CASD1: variants seen among roughly 807,000 people sequenced by gnomAD.
CASD1 encodes the protein CAS1 domain sialic acid O acetyltransferase 1, also known as N-acetylneuraminate (7)9-O-acetyltransferase.
Under a neutral mutation model 100.0 loss-of-function variants are expected in CASD1, and 41 were observed. The ratio of observed to expected loss-of-function variants is 0.41; its 90% CI spans 0.32 to 0.53. CASD1 has a LOEUF of 0.53. CASD1 is among the 20% of genes least tolerant of loss of function. The pLI is 0.25. For synonymous variants in CASD1, 321 were observed against 315.6 expected, an observed-to-expected ratio of 1.02 and a Z score of -0.18; for missense variants, 774 against 948.7, an observed-to-expected ratio of 0.82 and a Z score of 2.42.
intron 13 of CASD1, among the ~76,000 whole-genome samples, chr7:94,547,423 G>C (rs1019557178): frequency 6.6e-6 from 1 of 151,786 alleles, no homozygotes; most frequent in Non-Finnish European, 1.5e-5. Flanking sequence ...CGTTTTACTT[G>C]ACTTTGATCA....
chr7:94,565,924 G>A, the CASD1 span, among the ~76,000 whole-genome samples: 1 of 152,276 alleles, frequency 6.6e-6, no homozygotes, highest in Admixed American at 6.5e-5. Context: ...GCTTCAGAAT[G>A]CAATGTAGTT....
chr7:94,633,332 TAA>T, the CASD1 span, among the ~76,000 whole-genome samples: 3 of 152,116 alleles, frequency 2.0e-5, no homozygotes, highest in Non-Finnish European at 4.4e-5. Context: ...TTACAAAGAT[TAA>T]AAACTTCTGA....
At chr7:94,628,109 G>C in the CASD1 span, 1 of 993,886 alleles carries the variant, frequency 1.0e-6, no homozygotes, top group Non-Finnish European at 1.5e-6. Context: ...GGTAACTTTA[G>C]TTTCAACACT....
In CASD1 at chr7:94,544,410, G is replaced by C; in HGVS notation, c.1357-1G>C. ...TTTTACCTGTTTATCTTTGTCAACAGTTTTTGCCTGTATACATGCACATTC... is the reference window on the plus strand; with the variant it reads ...TTTTACCTGTTTATCTTTGTCAACACTTTTTGCCTGTATACATGCACATTC... On this transcript the variant is annotated splice_acceptor_variant, in intron 10 of 17. Coordinates refer to ENST00000297273, the MANE Select transcript of CASD1 (RefSeq NM_022900.5). LOFTEE classifies it high-confidence loss of function. 6.2e-7 allele frequency: 1 copy of C among 1,612,780 alleles called. No homozygotes were observed. Among genetic ancestry groups the C allele is most frequent in the Non-Finnish European group, 8.5e-7 (1 of 1,179,288 alleles).
At chr7:94,534,375 A>G (rs1009961301) in intron 7 of CASD1, among the ~76,000 whole-genome samples, 4 of 152,012 alleles carry the variant, frequency 2.6e-5, no homozygotes, top group East Asian at 1.9e-4. Context: ...GCTGTGTTTC[A>G]TAACATTAAA....
chr7:94,541,076 G>A (rs1795369293), intron 10 of CASD1, among the ~76,000 whole-genome samples: 1 of 151,858 alleles, frequency 6.6e-6, no homozygotes, highest in Non-Finnish European at 1.5e-5. Flanking sequence ...TCTGTGTTCT[G>A]GAAGGACATG....
the CASD1 span, among the ~76,000 whole-genome samples, chr7:94,596,671 T>C: frequency 6.6e-6 from 1 of 152,136 alleles, no homozygotes; most frequent in South Asian, 2.1e-4. Flanking sequence ...CTTGTACTTA[T>C]TAATTAACCC....
chr7:94,513,617 C>A (rs930481324), intron 1 of CASD1, among the ~76,000 whole-genome samples: 3 of 152,294 alleles, frequency 2.0e-5, no homozygotes, highest in Admixed American at 2.0e-4. Flanking sequence ...TTCAGTTCTG[C>A]CAGCAACTTA....
rs141158109 is a variant in CASD1, at chr7:94,531,704, G to A, written c.460-1501G>A. On this transcript the variant is annotated intron_variant, in intron 5 of 17. Coordinates refer to ENST00000297273, the MANE Select transcript of CASD1 (RefSeq NM_022900.5). ...ATTTGTAGTATTTTACAGTAAGCAT[G>A]TATTACCTTTATAGTGAAAAAGTGT... Among the ~76,000 whole-genome samples, 26 of 152,156 alleles carry A rather than the reference G, an allele frequency of 1.7e-4. No homozygotes were observed. In the East Asian group the frequency reaches 4.8e-3, roughly 28 times the overall value.
intron 16 of CASD1, chr7:94,553,925 C>T (rs540510751): frequency 2.0e-5 from 3 of 151,960 alleles, no homozygotes; most frequent in Admixed American, 6.6e-5. Context: ...GAGATTCTTT[C>T]GGGAGAGAAA....
the CASD1 span, chr7:94,600,049 A>G: frequency 1.6e-5 from 4 of 248,696 alleles, no homozygotes; most frequent in African/African-American, 9.1e-5. Flanking sequence ...TTAATTTTTT[A>G]TCCTTTGCTT....
chr7:94,598,851 C>T, the CASD1 span: 13 of 1,612,496 alleles, frequency 8.1e-6, no homozygotes, highest in African/African-American at 1.5e-4. Context: ...TCCCCAGTCA[C>T]AGGGTGGAAC....
chr7:94,630,585 A>G, the CASD1 span, among the ~76,000 whole-genome samples: 6 of 151,952 alleles, frequency 3.9e-5, no homozygotes, highest in Non-Finnish European at 5.9e-5. Context: ...CAGTTACTTA[A>G]GACATATGAT....
chr7:94,568,459 A>G, the CASD1 span, among the ~76,000 whole-genome samples: 1 of 152,222 alleles, frequency 6.6e-6, no homozygotes, highest in African/African-American at 2.4e-5. Flanking sequence ...AAGTCATAAA[A>G]GATTGACAAA....
chr7:94,522,878 G>T (rs530005212), intron 3 of CASD1, among the ~76,000 whole-genome samples: 1 of 152,062 alleles, frequency 6.6e-6, no homozygotes, highest in Non-Finnish European at 1.5e-5. Flanking sequence ...AGCCAGGATG[G>T]TCTCGATCTC....
At chr7:94,587,875 C>G in the CASD1 span, 9 of 1,514,148 alleles carry the variant, frequency 5.9e-6, no homozygotes, top group East Asian at 2.3e-4. Flanking sequence ...CAACACATTT[C>G]TGAATGTGCC....
intron 8 of CASD1, 42 bp downstream of exon 8, chr7:94,535,565 A>C (rs1256353996): frequency 7.2e-7 from 1 of 1,381,212 alleles, no homozygotes. Flanking sequence ...AGACTATAAT[A>C]TCAATTGCTT....
At chr7:94,589,133 A>G in the CASD1 span, 2 of 218,518 alleles carry the variant, frequency 9.2e-6, no homozygotes, top group East Asian at 2.0e-4. Flanking sequence ...CAGATCACAC[A>G]TTTTCATGGA....
At position 94,537,581 on chromosome 7, in the gene CASD1, G is replaced by A. The variant is rs1433080913; in HGVS notation, c.953G>A (p.Cys318Tyr). The A allele has an allele frequency of 3.1e-6, 5 of 1,613,676 alleles. No individual in the cohort carries two copies. The highest frequency in any genetic ancestry group is 4.2e-6 in the Non-Finnish European group (5 of 1,179,852). ...ACTCTCATACAGAAGCTAGCTGCTTGTTTTTTCACTTTATCTATTATCGGA... is the reference window on the plus strand; with the variant it reads ...ACTCTCATACAGAAGCTAGCTGCTTATTTTTTCACTTTATCTATTATCGGA... ...PVTLIQKLAA[C>Y]FFTLSIIGYL... is the part of the protein sequence containing the mutation. The change falls in exon 9 of 18, where the codon TGT (cysteine) becomes TAT (tyrosine). Residue 318 changes from cysteine to tyrosine, a missense_variant. Cys to Tyr is a radical substitution (Grantham distance 194). Transcript: ENST00000297273.
Sources: allele counts gnomAD v4.1 joint callset (sites outside exome capture counted in the v4.1 genomes callset), GRCh38; gene constraint gnomAD v4.1.1; transcripts MANE v1.5; gene names NCBI Gene and HGNC (gene_info 2026-07-23, HGNC 2026-07-21).